PACS1: variants seen among roughly 807,000 people sequenced by gnomAD.
PACS1 encodes phosphofurin acidic cluster sorting protein 1, also known as PACS-1.
A neutral mutation model predicts 115.0 loss-of-function variants in PACS1; 24 were observed. That is an observed-to-expected ratio of 0.21 (90% CI 0.15 to 0.29). The LOEUF is 0.29. Ranked by LOEUF, PACS1 falls within the 10% of genes least tolerant of loss-of-function variation. PACS1 has a pLI of 1.00. For synonymous variants in PACS1, 453 were observed against 504.5 expected, an observed-to-expected ratio of 0.90 and a Z score of 1.37; for missense variants, 838 against 1,251.2, an observed-to-expected ratio of 0.67 and a Z score of 4.98.
At chr11:66,231,006 G>C (rs892186400) in intron 13 of PACS1, 66 bp downstream of exon 13, 1 of 1,590,470 alleles carries the variant, frequency 6.3e-7, no homozygotes, top group Non-Finnish European at 8.6e-7. Flanking sequence ...GCTCTGTTTT[G>C]TTGGCTTCCT....
chr11:66,083,860 C>G (rs774946431), intron 1 of PACS1: 1 of 152,226 alleles, frequency 6.6e-6, no homozygotes, highest in Non-Finnish European at 1.5e-5. Context: ...AGTTTGATTT[C>G]TCACTTGGCT....
Position 66,168,307 on chromosome 11 carries a change from A to G in PACS1, c.357-25179A>G, listed in dbSNP as rs997599821. On this transcript the variant is annotated intron_variant, in intron 1 of 23. Transcript: ENST00000320580. ...TATCAATTTGGAGGAGAATCAACGT[A>G]TCAATGCTAGAGTGTCTCTTGTGCA... Among the ~76,000 whole-genome samples the G allele has an allele frequency of 7.3e-5, 11 of 150,620 alleles. 2 individuals carry two copies. The East Asian group carries it at 7.7e-4, about 11-fold the overall frequency.
At position 66,135,044 on chromosome 11, in the gene PACS1, C is replaced by G. The variant is rs375484097; in HGVS notation, c.357-58442C>G. ...TGGCCATCATGGTGAAACCCTGTCT[C>G]TACTAAAAATACAAAAATTAGCCAG... On this transcript the variant is annotated intron_variant, in intron 1 of 23. Coordinates refer to ENST00000320580, the MANE Select transcript of PACS1 (RefSeq NM_018026.4). Among the ~76,000 whole-genome samples the G allele has an allele frequency of 3.4e-4, 51 of 152,156 alleles. 1 individual carries two copies. The South Asian group carries it at 9.5e-3, about 28-fold the overall frequency.
chr11:66,208,557 A>G (rs1460008157), intron 2 of PACS1, among the ~76,000 whole-genome samples: 2 of 151,936 alleles, frequency 1.3e-5, no homozygotes, highest in Non-Finnish European at 2.9e-5. Flanking sequence ...CTGGTGGCCT[A>G]TAATCCTAGC....
In PACS1 at chr11:66,215,902, AAATAATAATAAT is replaced by A. The variant is rs71461611; in HGVS notation, c.661-178_661-167del. Among the ~76,000 whole-genome samples the A allele has an allele frequency of 3.2e-3, 444 of 136,992 alleles. 1 individual carries two copies. Among genetic ancestry groups the A allele is most frequent in the African/African-American group, 6.3e-3 (233 of 37,150 alleles). The allele number at this position is 136,992 out of a possible 152,430, so 89.9% of individuals were successfully genotyped here. On this transcript the variant is annotated intron_variant, in intron 4 of 23. Coordinates refer to ENST00000320580, the MANE Select transcript of PACS1 (RefSeq NM_018026.4). ...GCGACAGTGAGAGACTCCGTCTCAA[AAATAATAATAAT>A]AATAATAATAATAATAATAATAATA...
chr11:66,136,079 A>G lies in PACS1; in HGVS notation c.357-57407A>G, dbSNP rs867091597. On this transcript the variant is annotated intron_variant, in intron 1 of 23. Coordinates refer to ENST00000320580, the MANE Select transcript of PACS1 (RefSeq NM_018026.4). ...CTGATTTGTCTGTGACTTTTAGCTCATAATTGGACTGTCGTAAATGACGTA... is the reference window on the plus strand; with the variant it reads ...CTGATTTGTCTGTGACTTTTAGCTCGTAATTGGACTGTCGTAAATGACGTA... 3.9e-5 allele frequency among the ~76,000 whole-genome samples: 6 copies of G among 152,328 alleles called. No individual in the cohort carries two copies. The Middle Eastern group carries it at 0.017, about 432-fold the overall frequency.
At chr11:66,231,916 A>C (rs922820601) in intron 13 of PACS1, 5 of 392,062 alleles carry the variant, frequency 1.3e-5, no homozygotes, top group Non-Finnish European at 2.3e-5. Context: ...CATCCTCTCC[A>C]CCTGCCCTGG....
At chr11:66,182,345 C>G (rs545537067) in intron 1 of PACS1, among the ~76,000 whole-genome samples, 1 of 152,260 alleles carries the variant, frequency 6.6e-6, no homozygotes, top group Admixed American at 6.5e-5. Flanking sequence ...TAAGGATGTT[C>G]CTTAGTTCTG....
chr11:66,072,180 T>C (rs1389996453), intron 1 of PACS1, among the ~76,000 whole-genome samples: 1 of 151,750 alleles, frequency 6.6e-6, no homozygotes, highest in East Asian at 1.9e-4. Context: ...GGTTTTTTTA[T>C]TTTTTTTTAA....
intron 2 of PACS1, among the ~76,000 whole-genome samples, chr11:66,200,636 C>G (rs184128852): frequency 1.2e-4 from 18 of 152,190 alleles, no homozygotes; most frequent in African/African-American, 3.1e-4. Flanking sequence ...AACACTGGAG[C>G]ACCCAGATAT....
At chr11:66,111,807 G>A (rs765760431) in intron 1 of PACS1, among the ~76,000 whole-genome samples, 1 of 151,958 alleles carries the variant, frequency 6.6e-6, no homozygotes, top group Non-Finnish European at 1.5e-5. Context: ...GCGCCACCAC[G>A]CCCAGCTAAT....
intron 8 of PACS1, chr11:66,220,337 A>T: frequency 2.5e-6 from 1 of 403,374 alleles, no homozygotes. Flanking sequence ...GTGAGCTGTA[A>T]GGAGGGTAGG....
intron 14 of PACS1, 38 bp from the exon 15 acceptor site, chr11:66,232,922 C>A: frequency 6.8e-7 from 1 of 1,475,022 alleles, no homozygotes; most frequent in Non-Finnish European, 9.5e-7. Context: ...GTGATGTGTT[C>A]TCACCTGTGT....
At chr11:66,237,440 G>A (rs920954693) in intron 19 of PACS1, among the ~76,000 whole-genome samples, 4 of 152,224 alleles carry the variant, frequency 2.6e-5, no homozygotes, top group Non-Finnish European at 5.9e-5. Flanking sequence ...GGATGAGGGG[G>A]CCTAGCTCCC....
chr11:66,217,120 C>T (rs969268359), intron 7 of PACS1: 18 of 340,758 alleles, frequency 5.3e-5, no homozygotes, highest in Middle Eastern at 9.5e-4. Flanking sequence ...TCCTCTGCAG[C>T]GAGAAAGCCA....
At chr11:66,121,234 G>T (rs1034562621) in intron 1 of PACS1, among the ~76,000 whole-genome samples, 7 of 152,112 alleles carry the variant, frequency 4.6e-5, no homozygotes, top group African/African-American at 1.4e-4. Context: ...GCCATGAACC[G>T]CATCCGTGCG....
Position 66,236,571 on chromosome 11 carries a change from G to A in PACS1, c.2250+631G>A, listed in dbSNP as rs1855708880. Among the ~76,000 whole-genome samples the A allele has an allele frequency of 6.6e-6, 1 of 152,184 alleles. No individual in the cohort carries two copies. Among genetic ancestry groups the A allele is most frequent in the African/African-American group, 2.4e-5 (1 of 41,442 alleles). On this transcript the variant is annotated intron_variant, in intron 19 of 23. Coordinates refer to ENST00000320580, the MANE Select transcript of PACS1 (RefSeq NM_018026.4). This position sits in a 1 kb window ranked among gnomAD's most constrained non-coding sequence, Gnocchi z 4.2. ...AGGAAGAACCCCGTGGATGTCTCAT[G>A]GCAGGTGCATTGCCGGCTGTCTGTT...
intron 1 of PACS1, among the ~76,000 whole-genome samples, chr11:66,160,913 A>T (rs895789815): frequency 2.0e-5 from 3 of 152,054 alleles, no homozygotes; most frequent in African/African-American, 7.2e-5. Context: ...TCTTGCTTGC[A>T]TTGTGGTTAA....
intron 7 of PACS1, 186 bp downstream of exon 7, chr11:66,216,961 A>G: frequency 1.7e-6 from 1 of 588,278 alleles, no homozygotes; most frequent in Non-Finnish European, 3.0e-6. Context: ...GGGAACCACA[A>G]TTACTGATAA....
Sources: allele counts gnomAD v4.1 joint callset (sites outside exome capture counted in the v4.1 genomes callset), GRCh38; gene constraint gnomAD v4.1.1; non-coding constraint Gnocchi (gnomAD v3.1); transcripts MANE v1.5; gene names NCBI Gene and HGNC (gene_info 2026-07-23, HGNC 2026-07-21).